MSRB2: variants seen among roughly 807,000 people sequenced by gnomAD.
MSRB2 encodes methionine-R-sulfoxide reductase B2, mitochondrial.
MSRB2 carries 17 observed loss-of-function variants against 19.0 expected under a neutral mutation model. The ratio of observed to expected loss-of-function variants is 0.89; its 90% CI spans 0.61 to 1.34. The LOEUF is 1.34. Ranked by LOEUF, MSRB2 falls within the 40% of genes most tolerant of loss-of-function variation. The pLI, the probability that MSRB2 is intolerant of heterozygous loss-of-function variation, is 0.00. For missense variants in MSRB2, 208 were observed against 237.6 expected, an observed-to-expected ratio of 0.88 and a Z score of 0.82; for synonymous variants, 107 against 99.7, an observed-to-expected ratio of 1.07 and a Z score of -0.44.
intron 3 of MSRB2, among the ~76,000 whole-genome samples, chr10:23,114,475 C>G (rs1305839208): frequency 2.0e-5 from 3 of 152,152 alleles, no homozygotes; most frequent in Non-Finnish European, 2.9e-5. Context: ...AATCCTCACC[C>G]TCCAATAAGG....
intron 1 of MSRB2, among the ~76,000 whole-genome samples, chr10:23,099,635 C>T (rs2131621467): frequency 6.6e-6 from 1 of 152,300 alleles, no homozygotes; most frequent in Admixed American, 6.5e-5. Context: ...AGGAAAATCG[C>T]TTGAGTCCAG....
chr10:23,118,965 C>A (rs1003840832), intron 3 of MSRB2: 1 of 460,432 alleles, frequency 2.2e-6, no homozygotes, highest in Non-Finnish European at 4.4e-6. Context: ...TGATTTCTCC[C>A]CTTTTGACAT....
At chr10:23,111,706 G>A (rs1196736498) in intron 3 of MSRB2, among the ~76,000 whole-genome samples, 2 of 152,192 alleles carry the variant, frequency 1.3e-5, no homozygotes, top group Non-Finnish European at 2.9e-5. Context: ...GTCTGTATCT[G>A]GCCATGTGGT....
At chr10:23,097,719 A>T (rs994777109) in intron 1 of MSRB2, among the ~76,000 whole-genome samples, 2 of 152,222 alleles carry the variant, frequency 1.3e-5, no homozygotes, top group Admixed American at 1.3e-4. Flanking sequence ...TCAAATAAGG[A>T]TAATGATAAT....
Position 23,104,252 on chromosome 10 carries a change from A to G in MSRB2, c.219+8A>G, listed in dbSNP as rs1839961325. 1 of 1,610,624 alleles carries G rather than the reference A, an allele frequency of 6.2e-7. No individual in the cohort carries two copies. The highest frequency in any genetic ancestry group is 1.1e-5 in the South Asian group (1 of 90,642). On this transcript the variant is annotated splice_region_variant and intron_variant, in intron 2 of 4. Coordinates refer to ENST00000376510, the MANE Select transcript of MSRB2 (RefSeq NM_012228.4). ...GAAAAGGGAACGGAACCGGTAAGCT[A>G]AGCTGGTTTACAGTTTTCTGATTGC...
intron 1 of MSRB2, among the ~76,000 whole-genome samples, chr10:23,100,340 C>A (rs1839914224): frequency 1.3e-5 from 2 of 152,140 alleles, no homozygotes; most frequent in Admixed American, 1.3e-4. Context: ...CTAAAGCATT[C>A]TCTTTTTAAA....
At position 23,119,324 on chromosome 10, in the gene MSRB2, CTGGCACTGGG is replaced by C; in HGVS notation, c.322_331del (p.Thr108LeufsTer20). On this transcript the variant is annotated frameshift_variant, in exon 4 of 5. Coordinates refer to ENST00000376510, the MANE Select transcript of MSRB2 (RefSeq NM_012228.4). LOFTEE classifies it high-confidence loss of function. Reference sequence around the variant, plus strand: ...CACAGTTCTGAGAAAAAGTACTGCTCTGGCACTGGGTGGCCTTCGTTTTCCGAGGCTCATG... The same window carrying C: ...CACAGTTCTGAGAAAAAGTACTGCTCTGGCCTTCGTTTTCCGAGGCTCATG... 6.2e-7 allele frequency: 1 copy of C among 1,614,134 alleles called. No homozygotes were observed. Among genetic ancestry groups the C allele is most frequent in the Middle Eastern group, 1.6e-4 (1 of 6,062 alleles).
rs76887718 is a variant in MSRB2 at position 23,115,833 on chromosome 10, T to C, written c.297-3471T>C. Among the ~76,000 whole-genome samples the C allele has an allele frequency of 6.4e-4, 98 of 152,336 alleles. 2 individuals are homozygous for C. The East Asian group carries it at 0.018, about 28-fold the overall frequency. On this transcript the variant is annotated intron_variant, in intron 3 of 4. Transcript: ENST00000376510. ...TCCCATAAAATGCTTTAATGAGTTT[T>C]TATTAGCCTTAGTTTCATTTATTTA...
chr10:23,096,348 C>CTGTGTGTGTGTGTGTGTGTGTGTGTGTG (rs1471780853), intron 1 of MSRB2, among the ~76,000 whole-genome samples: 145 of 58,444 alleles, frequency 2.5e-3, no homozygotes, highest in African/African-American at 8.3e-3. Flanking sequence ...GTCTCTCTCT[C>CTGTGTGTGTGTGTGTGTGTGTGTGTGTG]TCTCTGTGTG....
At chr10:23,115,918 A>G (rs1237908097) in intron 3 of MSRB2, among the ~76,000 whole-genome samples, 1 of 152,162 alleles carries the variant, frequency 6.6e-6, no homozygotes, top group Non-Finnish European at 1.5e-5. Flanking sequence ...ACTAGTTGAT[A>G]TATAATGTTG....
At chr10:23,111,573 G>A (rs1840053967) in intron 3 of MSRB2, among the ~76,000 whole-genome samples, 1 of 152,132 alleles carries the variant, frequency 6.6e-6, no homozygotes, top group Non-Finnish European at 1.5e-5. Flanking sequence ...GAAAAAGGGG[G>A]GGACTTCTTC....
chr10:23,113,827 G>T (rs1482557815), intron 3 of MSRB2, among the ~76,000 whole-genome samples: 1 of 152,110 alleles, frequency 6.6e-6, no homozygotes, highest in Admixed American at 6.5e-5. Context: ...TACCTTAGAA[G>T]GTAGGAAGAG....
In MSRB2 at chr10:23,121,868, A is replaced by G. The variant is rs1236201147; in HGVS notation, c.*1006A>G. The G allele has an allele frequency of 6.6e-6, 1 of 152,218 alleles. No homozygotes were observed. 9.4% of individuals were successfully genotyped at this position (152,218 alleles called of 1,614,324 possible). A position where few individuals can be genotyped will look rare whatever the true frequency, so the allele number is the denominator to read the frequency against. ...TTTCAAAATTTTAAATGTCTTGAGC[A>G]TGCTACTTCCAACCATTCTACCCAC... On this transcript the variant is annotated 3_prime_UTR_variant, in exon 5 of 5. Coordinates refer to ENST00000376510, the MANE Select transcript of MSRB2 (RefSeq NM_012228.4).
chr10:23,114,123 G>A (rs1840084292), intron 3 of MSRB2, among the ~76,000 whole-genome samples: 1 of 152,150 alleles, frequency 6.6e-6, no homozygotes, highest in Non-Finnish European at 1.5e-5. Context: ...GCCAAGGCGG[G>A]TGGATCACTG....
intron 4 of MSRB2, among the ~76,000 whole-genome samples, chr10:23,119,928 C>T (rs758866536): frequency 2.0e-5 from 3 of 152,216 alleles, no homozygotes; most frequent in Non-Finnish European, 2.9e-5. Context: ...ATGCCAATAA[C>T]GATCACTCTC....
At chr10:23,112,388 G>A (rs529157001) in intron 3 of MSRB2, among the ~76,000 whole-genome samples, 1 of 152,304 alleles carries the variant, frequency 6.6e-6, no homozygotes, top group South Asian at 2.1e-4. Flanking sequence ...TGGCTCCATT[G>A]CTGTGTGACC....
At chr10:23,118,676 C>CTAAG (rs904933844) in intron 3 of MSRB2, among the ~76,000 whole-genome samples, 2 of 152,132 alleles carry the variant, frequency 1.3e-5, no homozygotes, top group Non-Finnish European at 2.9e-5. Flanking sequence ...CAGCACCGTG[C>CTAAG]TAAGCTTTAT....
At chr10:23,096,851 C>T (rs527443368) in intron 1 of MSRB2, among the ~76,000 whole-genome samples, 4 of 152,130 alleles carry the variant, frequency 2.6e-5, no homozygotes, top group Admixed American at 6.6e-5. Flanking sequence ...TCACAGTTAC[C>T]GACGAGCTCT....
chr10:23,116,896 C>T (rs1840117493), intron 3 of MSRB2, among the ~76,000 whole-genome samples: 1 of 152,150 alleles, frequency 6.6e-6, no homozygotes, highest in African/African-American at 2.4e-5. Context: ...ATTATTGCCA[C>T]AAAGAGGCTG....
Sources: gnomAD v4.1 joint callset for allele counts (sites outside exome capture counted in the v4.1 genomes callset) on GRCh38, gnomAD v4.1.1 for gene constraint, MANE v1.5 for transcripts, NCBI Gene and HGNC (gene_info 2026-07-23, HGNC 2026-07-21) for gene names.